TNIK: variants seen among roughly 807,000 people sequenced by gnomAD.
TNIK encodes the protein TRAF2 and NCK interacting kinase.
Under a neutral mutation model 191.3 loss-of-function variants are expected in TNIK, and 49 were observed. The ratio of observed to expected loss-of-function variants is 0.26; its 90% CI spans 0.20 to 0.32. The LOEUF (loss-of-function observed/expected upper bound fraction) is 0.32. Ranked by LOEUF, TNIK falls within the 10% of genes least tolerant of loss-of-function variation. TNIK has a pLI of 1.00. For missense variants in TNIK, 1,155 were observed against 1,702.3 expected (o/e 0.68, Z 5.66); for synonymous variants, 594 against 600.9 (o/e 0.99, Z 0.17).
At chr3:171,297,862 A>G (rs1371607514) in intron 2 of TNIK, among the ~76,000 whole-genome samples, 1 of 152,240 alleles carries the variant, frequency 6.6e-6, no homozygotes, top group Admixed American at 6.5e-5. Flanking sequence ...GACAGTTCTA[A>G]TTATTACATT....
At position 171,159,697 on chromosome 3, in the gene TNIK, C is replaced by G. The variant is rs142866789; in HGVS notation, c.1016+1573G>C. ...TGTGTTAGTGACTCAACCATTAACT[C>G]TGTGTGTGACCTGGGTGCAACCCTT... On this transcript the variant is annotated intron_variant, in intron 11 of 32. Transcript: ENST00000436636. This position sits in a 1 kb window ranked among gnomAD's most constrained non-coding sequence, Gnocchi z 4.1. Among the ~76,000 whole-genome samples, 74 of 152,324 alleles carry G rather than the reference C, an allele frequency of 4.9e-4. 1 individual carries two copies. Among genetic ancestry groups the G allele is most frequent in the African/African-American group, 1.3e-3 (55 of 41,572 alleles).
chr3:171,199,721 T>TC (rs1739179550), intron 4 of TNIK, among the ~76,000 whole-genome samples: 1 of 152,132 alleles, frequency 6.6e-6, no homozygotes, highest in Non-Finnish European at 1.5e-5. Context: ...AATGTCTCTC[T>TC]CCCCACCACT....
At chr3:171,301,634 A>T (rs1577401411) in intron 2 of TNIK, among the ~76,000 whole-genome samples, 1 of 152,120 alleles carries the variant, frequency 6.6e-6, no homozygotes, top group East Asian at 1.9e-4. Context: ...ACTTTTCAAC[A>T]CTGCACTGCA....
intron 2 of TNIK, among the ~76,000 whole-genome samples, chr3:171,228,647 T>G (rs1452162749): frequency 6.6e-6 from 1 of 152,254 alleles, no homozygotes; most frequent in Admixed American, 6.5e-5. Flanking sequence ...TAACTGGATA[T>G]GATTCTGCTA....
chr3:171,065,426 GT>G (rs1468748697), intron 32 of TNIK, among the ~76,000 whole-genome samples: 2 of 152,174 alleles, frequency 1.3e-5, no homozygotes, highest in South Asian at 4.1e-4. Context: ...CCATCATACT[GT>G]TTTTCTATAG....
In TNIK at chr3:171,139,480, G is replaced by A. The variant is rs765398349; in HGVS notation, c.1409C>T (p.Ala470Val). The part of the protein sequence containing the change: ...ILQQQLLHEQ[A>V]LLLEYKRKQL... ...TGGCTTTCTCATTACCAGAAGTAGA[G>A]CTTGTTCATGCAGTAGCTGCTGCTG... The change falls in exon 14 of 33, where the codon GCT (alanine) becomes GTT (valine). Residue 470 changes from alanine (A) to valine (V), a missense_variant. Ala to Val is a moderately conservative substitution (Grantham distance 64, BLOSUM62 0). Transcript: ENST00000436636. 6.2e-7 allele frequency: 1 copy of A among 1,613,336 alleles called. No individual in the cohort carries two copies. The highest frequency in any genetic ancestry group is 8.5e-7 in the Non-Finnish European group (1 of 1,179,512).
chr3:171,111,609 G>A (rs1054833696), intron 18 of TNIK, among the ~76,000 whole-genome samples: 2 of 152,042 alleles, frequency 1.3e-5, no homozygotes, highest in Admixed American at 6.5e-5. Flanking sequence ...TGAAGGTTCC[G>A]CAAAAGACTA....
At chr3:171,172,852 A>G (rs761838300) in intron 9 of TNIK, among the ~76,000 whole-genome samples, 1 of 152,230 alleles carries the variant, frequency 6.6e-6, no homozygotes, top group Non-Finnish European at 1.5e-5. Flanking sequence ...AGTGTTTCCA[A>G]ACTTCTCCTG....
At chr3:171,410,300 A>G (rs759683065) in intron 1 of TNIK, among the ~76,000 whole-genome samples, 2 of 152,194 alleles carry the variant, frequency 1.3e-5, no homozygotes, top group Non-Finnish European at 2.9e-5. Context: ...TGAAGCTGGA[A>G]TGATCTGAAG....
At chr3:171,237,739 T>C (rs116470959) in intron 2 of TNIK, among the ~76,000 whole-genome samples, 1,643 of 152,164 alleles carry the variant, frequency 0.011, 25 homozygotes, top group African/African-American at 0.038. Context: ...CTGAGCAATA[T>C]AGTGAGACCC....
chr3:171,144,597 C>T (rs1204726329), intron 12 of TNIK, among the ~76,000 whole-genome samples: 4 of 144,588 alleles, frequency 2.8e-5, no homozygotes, highest in Non-Finnish European at 6.3e-5. Context: ...GCATATCTAC[C>T]ATCTTAAACA....
chr3:171,444,366 C>T (rs565724556), intron 1 of TNIK, among the ~76,000 whole-genome samples: 1 of 152,020 alleles, frequency 6.6e-6, no homozygotes, highest in African/African-American at 2.4e-5. Context: ...ATAAATAACT[C>T]GAAGATTTTA....
intron 30 of TNIK, among the ~76,000 whole-genome samples, chr3:171,067,409 G>T (rs370174718): frequency 5.9e-5 from 9 of 152,090 alleles, no homozygotes; most frequent in African/African-American, 2.2e-4. Context: ...AGTGGCTCAT[G>T]CCTGTAATCC....
chr3:171,334,871 GTTTC>G (rs1297351570), intron 2 of TNIK, among the ~76,000 whole-genome samples: 15 of 100,762 alleles, frequency 1.5e-4, no homozygotes, highest in Admixed American at 6.8e-4. Flanking sequence ...ATCTTTATAA[GTTTC>G]TTTTTTTTTT....
chr3:171,248,799 C>T lies in TNIK; in HGVS notation c.124-20578G>A, dbSNP rs558811610. 5.9e-5 allele frequency among the ~76,000 whole-genome samples: 9 copies of T among 152,336 alleles called. No homozygotes were observed. The East Asian group carries it at 1.7e-3, about 29-fold the overall frequency. ...TACCATTTTACAAGTGAGACAAGGACTAGATGACTTATTCAACATCACAGC... is the reference window on the plus strand; with the variant it reads ...TACCATTTTACAAGTGAGACAAGGATTAGATGACTTATTCAACATCACAGC... On this transcript the variant is annotated intron_variant, in intron 2 of 32. Coordinates refer to ENST00000436636, the MANE Select transcript of TNIK (RefSeq NM_015028.4).
chr3:171,373,896 C>T (rs2108502677), intron 1 of TNIK, among the ~76,000 whole-genome samples: 1 of 152,322 alleles, frequency 6.6e-6, no homozygotes, highest in Admixed American at 6.5e-5. Context: ...TCTGCAGCCG[C>T]AATATGTTGT....
chr3:171,200,736 A>C (rs1021452120), intron 4 of TNIK, among the ~76,000 whole-genome samples: 4 of 152,208 alleles, frequency 2.6e-5, no homozygotes, highest in Non-Finnish European at 1.5e-5. Flanking sequence ...TTCCTGCCCT[A>C]ATAACCTCTA....
At chr3:171,078,316 T>C (rs1227541784) in intron 28 of TNIK, among the ~76,000 whole-genome samples, 2 of 152,184 alleles carry the variant, frequency 1.3e-5, no homozygotes, top group African/African-American at 4.8e-5. Context: ...CCACTTGGAC[T>C]GATCTTTTTA....
chr3:171,211,172 T>C lies in TNIK; in HGVS notation c.250A>G (p.Thr84Ala). 1 of 1,613,184 alleles carries C rather than the reference T, an allele frequency of 6.2e-7. No homozygotes were observed. The highest frequency in any genetic ancestry group is 8.5e-7 in the Non-Finnish European group (1 of 1,179,532). The change falls in exon 4 of 33, where the codon ACA (threonine) becomes GCA (alanine). Residue 84 changes from threonine (T) to alanine (A), a missense_variant. By Grantham distance (58) the Thr-to-Ala change is moderately conservative. Coordinates refer to ENST00000436636, the MANE Select transcript of TNIK (RefSeq NM_015028.4). The part of the protein sequence containing the change: ...KKYSHHRNIA[T>A]YYGAFIKKNP... Reference sequence around the variant, plus strand: ...TTTTTGATAAAAGCACCATAGTATGTAGCAATATTCCGGTGATGAGAATAT... The same window carrying C: ...TTTTTGATAAAAGCACCATAGTATGCAGCAATATTCCGGTGATGAGAATAT...
Sources: gnomAD v4.1 joint callset for allele counts (sites outside exome capture counted in the v4.1 genomes callset) on GRCh38, gnomAD v4.1.1 for gene constraint, Gnocchi (gnomAD v3.1) non-coding constraint, MANE v1.5 for transcripts, NCBI Gene and HGNC (gene_info 2026-07-23, HGNC 2026-07-21) for gene names.